GNAL: variants seen among roughly 807,000 people sequenced by gnomAD.
GNAL encodes guanine nucleotide-binding protein G(olf) subunit alpha.
A neutral mutation model predicts 55.1 loss-of-function variants in GNAL; 18 were observed. That is an observed-to-expected ratio of 0.33 (90% confidence interval 0.23 to 0.48). The LOEUF is 0.48. Ranked by LOEUF, GNAL falls within the 20% of genes least tolerant of loss-of-function variation. GNAL has a pLI of 0.99. For synonymous variants in GNAL, 253 were observed against 237.0 expected (o/e 1.07, Z -0.62); for missense variants, 412 against 614.1 (o/e 0.67, Z 3.48).
chr18:11,802,445 T>A (rs1386117725), intron 4 of GNAL, among the ~76,000 whole-genome samples: 1 of 152,168 alleles, frequency 6.6e-6, no homozygotes, highest in Non-Finnish European at 1.5e-5. Flanking sequence ...GCGTACTTCT[T>A]GATTTCGAAA....
chr18:11,725,925 C>T (rs1286861351), intron 1 of GNAL, among the ~76,000 whole-genome samples: 1 of 152,240 alleles, frequency 6.6e-6, no homozygotes, highest in African/African-American at 2.4e-5. Context: ...CCTCCACATC[C>T]TCACCAGCAT....
At chr18:11,715,589 A>G (rs1278334959) in intron 1 of GNAL, among the ~76,000 whole-genome samples, 6 of 152,274 alleles carry the variant, frequency 3.9e-5, no homozygotes, top group Admixed American at 1.3e-4. Flanking sequence ...TGTGGAGGAA[A>G]CAAAAGAGGG....
At chr18:11,811,911 A>T (rs1236179430) in intron 4 of GNAL, among the ~76,000 whole-genome samples, 1 of 152,236 alleles carries the variant, frequency 6.6e-6, no homozygotes, top group Non-Finnish European at 1.5e-5. Context: ...GGAAGCAAAG[A>T]CTAAAGTCGT....
chr18:11,732,832 G>GT (rs2032369625), intron 1 of GNAL, among the ~76,000 whole-genome samples: 1 of 152,204 alleles, frequency 6.6e-6, no homozygotes, highest in Admixed American at 6.5e-5. Context: ...GAGAAGCACA[G>GT]TAAGTTAGCT....
intron 1 of GNAL, chr18:11,746,755 T>G (rs1483320178): frequency 3.0e-6 from 1 of 335,456 alleles, no homozygotes. Context: ...AGAGACGCAG[T>G]GCAAAATACA....
At chr18:11,863,785 A>C (rs1192701791) in intron 6 of GNAL, among the ~76,000 whole-genome samples, 1 of 152,154 alleles carries the variant, frequency 6.6e-6, no homozygotes, top group African/African-American at 2.4e-5. Flanking sequence ...AGAGAGAATA[A>C]ATGAAATCAA....
chr18:11,821,639 T>C (rs992176193), intron 4 of GNAL, among the ~76,000 whole-genome samples: 1 of 152,188 alleles, frequency 6.6e-6, no homozygotes, highest in South Asian at 2.1e-4. Flanking sequence ...AGCCGAAGCC[T>C]GAAGGAATGA....
rs1016790004 is a variant in GNAL at position 11,867,072 on chromosome 18, C to T, written c.852-96C>T. 5 of 924,900 alleles carry T rather than the reference C, an allele frequency of 5.4e-6. No individual in the cohort carries two copies. The South Asian group carries it at 6.7e-5, about 12-fold the overall frequency. The allele number at this position is 924,900 out of a possible 1,614,324, so 57.3% of individuals were successfully genotyped here. Reference sequence around the variant, plus strand: ...GCTTGACTCAAGACCCATGTGTGAACGCTGGAACCTGCTGATAGCAAAAGA... The same window carrying T: ...GCTTGACTCAAGACCCATGTGTGAATGCTGGAACCTGCTGATAGCAAAAGA... On this transcript the variant is annotated intron_variant, in intron 7 of 11. Coordinates refer to ENST00000334049, the MANE Select transcript of GNAL (RefSeq NM_182978.4).
chr18:11,821,301 A>G (rs981596492), intron 4 of GNAL, among the ~76,000 whole-genome samples: 1 of 152,238 alleles, frequency 6.6e-6, no homozygotes, highest in Non-Finnish European at 1.5e-5. Context: ...AAGATGATTT[A>G]ATATATACAT....
chr18:11,692,285 AAAC>A lies in GNAL; in HGVS notation c.376+2351_376+2353del, dbSNP rs572368169. Among the ~76,000 whole-genome samples, 66 of 152,388 alleles carry A rather than the reference AAAC, an allele frequency of 4.3e-4. 1 individual carries two copies. The South Asian group carries it at 9.9e-3, about 23-fold the overall frequency. ...GTCCACTGCAAGAATGAATAATTTA[AAAC>A]AACATAAACCTAGCTGTTGTATCCT... On this transcript the variant is annotated intron_variant, in intron 1 of 11. Transcript: ENST00000334049.
chr18:11,885,570 T>G lies in GNAL; in HGVS notation c.*4435T>G. 8.7e-6 allele frequency: 12 copies of G among 1,372,620 alleles called. No homozygotes were observed. The highest frequency in any genetic ancestry group is 1.2e-5 in the Non-Finnish European group (12 of 993,796). 85.0% of individuals were successfully genotyped at this position (1,372,620 alleles called of 1,614,324 possible). A position where few individuals can be genotyped will look rare whatever the true frequency, so the allele number is the denominator to read the frequency against. On this transcript the variant is annotated 3_prime_UTR_variant, in exon 12 of 12. Coordinates refer to ENST00000334049, the MANE Select transcript of GNAL (RefSeq NM_182978.4). ...ACGTGTAGAAGGAGAGAAATTTGTG[T>G]GTGGCTTTTGTAAATTTTGACCGAT...
intron 1 of GNAL, among the ~76,000 whole-genome samples, chr18:11,736,885 A>G (rs1283468795): frequency 1.3e-5 from 2 of 152,372 alleles, no homozygotes; most frequent in Non-Finnish European, 1.5e-5. Context: ...GGAAATACCT[A>G]TGGACAAGGG....
chr18:11,851,729 A>T (rs1266710923), intron 5 of GNAL: 1 of 1,613,906 alleles, frequency 6.2e-7, no homozygotes, highest in Non-Finnish European at 8.5e-7. Flanking sequence ...GCGCGAGTCG[A>T]TGCAGTGGCT....
chr18:11,861,764 G>A (rs2036144761), intron 5 of GNAL, among the ~76,000 whole-genome samples: 2 of 152,140 alleles, frequency 1.3e-5, no homozygotes, highest in East Asian at 3.9e-4. Flanking sequence ...GGACACAGTG[G>A]GCGCCAGGCA....
Position 11,867,246 on chromosome 18 carries a change from T to C in GNAL, c.910+20T>C, listed in dbSNP as rs763706090. The C allele has an allele frequency of 9.9e-6, 15 of 1,513,574 alleles. No homozygotes were observed. Among genetic ancestry groups the C allele is most frequent in the Middle Eastern group, 1.7e-4 (1 of 5,916 alleles). 93.8% of individuals were successfully genotyped at this position (1,513,574 alleles called of 1,614,324 possible). The stretch of plus-strand genomic sequence containing the variant: ...TTAACGGTGATTTTTTTATGCTCTC[T>C]CAAGAAAATAGGAGTGAATTCTAAC... On this transcript the variant is annotated intron_variant, in intron 8 of 11. Coordinates refer to ENST00000334049, the MANE Select transcript of GNAL (RefSeq NM_182978.4).
intron 4 of GNAL, among the ~76,000 whole-genome samples, chr18:11,779,391 G>T (rs894661693): frequency 2.0e-5 from 3 of 152,186 alleles, no homozygotes; most frequent in Non-Finnish European, 4.4e-5. Context: ...AGGCAGGATG[G>T]AATAGCAGTC....
chr18:11,852,073 C>T, intron 5 of GNAL: 1 of 1,612,200 alleles, frequency 6.2e-7, no homozygotes, highest in Non-Finnish European at 8.5e-7. Context: ...GCAGGATGAA[C>T]TGTCTCAGAG....
chr18:11,858,798 A>G (rs1448134195), intron 5 of GNAL, among the ~76,000 whole-genome samples: 4 of 152,194 alleles, frequency 2.6e-5, no homozygotes, highest in Non-Finnish European at 4.4e-5. Context: ...GAAATGTTCA[A>G]TGAGACCTCC....
intron 1 of GNAL, among the ~76,000 whole-genome samples, chr18:11,744,697 C>T (rs976080332): frequency 1.3e-5 from 2 of 152,166 alleles, no homozygotes; most frequent in East Asian, 1.9e-4. Flanking sequence ...ATTTAGTGAC[C>T]ATTCACCTTT....
Sources: gnomAD v4.1 joint callset for allele counts (sites outside exome capture counted in the v4.1 genomes callset) on GRCh38, gnomAD v4.1.1 for gene constraint, MANE v1.5 for transcripts, NCBI Gene and HGNC (gene_info 2026-07-23, HGNC 2026-07-21) for gene names.